SOS2: variants seen among roughly 807,000 people sequenced by gnomAD.
The protein encoded by SOS2 is SOS Ras/Rho guanine nucleotide exchange factor 2.
Under a neutral mutation model 148.2 loss-of-function variants are expected in SOS2, and 65 were observed. The ratio of observed to expected loss-of-function variants is 0.44; its 90% CI spans 0.36 to 0.54. SOS2 has a LOEUF of 0.54. Ranked by LOEUF, SOS2 falls within the 20% of genes least tolerant of loss-of-function variation. The pLI is 0.00. For missense variants in SOS2, 1,341 were observed against 1,590.2 expected (o/e 0.84, Z 2.67); for synonymous variants, 539 against 537.1 (o/e 1.00, Z -0.05).
intron 21 of SOS2, among the ~76,000 whole-genome samples, chr14:50,127,861 C>T (rs975622490): frequency 2.2e-4 from 34 of 152,206 alleles, no homozygotes; most frequent in East Asian, 1.7e-3. Flanking sequence ...TGGTATTAGA[C>T]TTTTCAGCAG....
chr14:50,163,743 A>G (rs1885083686), intron 8 of SOS2, among the ~76,000 whole-genome samples: 1 of 152,240 alleles, frequency 6.6e-6, no homozygotes, highest in Admixed American at 6.5e-5. Context: ...TATTTCTTTA[A>G]TAAATATGAA....
In SOS2 at chr14:50,150,192, T is replaced by C. The variant is rs1439173200; in HGVS notation, c.2200A>G (p.Ile734Val). 1.2e-6 allele frequency: 2 copies of C among 1,613,196 alleles called. No individual in the cohort carries two copies. The highest frequency in any genetic ancestry group is 1.7e-6 in the Non-Finnish European group (2 of 1,179,286). ...TGAGCTTGCTTCTTCCTCCTGATGA[T>C]CTTAGCAATTGACTCTACCCATTTT... ...MKKWVESIAK[I>V]IRRKKQAQAN... Residue 734 changes from isoleucine (I) to valine (V), a missense_variant, in exon 14 of 23, where the codon ATC becomes GTC. By Grantham distance (29) the Ile-to-Val change is conservative (BLOSUM62 3). Around this residue, in one of 4 missense-constraint regions of SOS2, gnomAD observed 408 missense variants for 506.6 expected, o/e 0.81. Coordinates refer to ENST00000216373, the MANE Select transcript of SOS2 (RefSeq NM_006939.4).
At position 50,207,816 on chromosome 14, in the gene SOS2, G is replaced by C. The variant is rs1408877123; in HGVS notation, c.88-3407C>G. Among the ~76,000 whole-genome samples, 3 of 149,772 alleles carry C rather than the reference G, an allele frequency of 2.0e-5. No individual in the cohort carries two copies. In the East Asian group the frequency reaches 5.9e-4, roughly 30 times the overall value. Reference sequence around the variant, plus strand: ...AGCTACTTGGGTGGCTAAGGCAGGAGAACTGCTTGAACCCGGGAGACAGAC... The same window carrying C: ...AGCTACTTGGGTGGCTAAGGCAGGACAACTGCTTGAACCCGGGAGACAGAC... On this transcript the variant is annotated intron_variant, in intron 1 of 22. Coordinates refer to ENST00000216373, the MANE Select transcript of SOS2 (RefSeq NM_006939.4).
rs1885378665 is a variant in SOS2 at position 50,171,904 on chromosome 14, T to C, written c.1068+2550A>G. ...GTTGGCAAACAGGATTTGCTATTAC[T>C]GACACCTGCTACAGACTTTCTTGTA... On this transcript the variant is annotated intron_variant, in intron 8 of 22. Coordinates refer to ENST00000216373, the MANE Select transcript of SOS2 (RefSeq NM_006939.4). 2.6e-5 allele frequency among the ~76,000 whole-genome samples: 4 copies of C among 152,330 alleles called. No homozygotes were observed. The South Asian group carries it at 8.3e-4, about 32-fold the overall frequency.
chr14:50,230,238 T>C (rs954509395), intron 1 of SOS2, among the ~76,000 whole-genome samples: 3 of 152,216 alleles, frequency 2.0e-5, no homozygotes, highest in East Asian at 3.8e-4. Context: ...TTTAAATTAA[T>C]CTTTATTTTT....
intron 1 of SOS2, among the ~76,000 whole-genome samples, chr14:50,218,930 C>G (rs1214913163): frequency 1.3e-5 from 2 of 151,902 alleles, no homozygotes; most frequent in African/African-American, 4.8e-5. Context: ...CTGGCCAATA[C>G]AGTGAAACCC....
chr14:50,230,982 T>A lies in SOS2; in HGVS notation c.87+215A>T, dbSNP rs187857720. The stretch of plus-strand genomic sequence containing the variant: ...TGCAACATGAAATCCAGTTTTATGA[T>A]CATAACAAAACCTTCCTTCCGGGAC... On this transcript the variant is annotated intron_variant, in intron 1 of 22. Coordinates refer to ENST00000216373, the MANE Select transcript of SOS2 (RefSeq NM_006939.4). The A allele has an allele frequency of 1.3e-4, 118 of 883,132 alleles. No homozygotes were observed. The East Asian group carries it at 3.4e-3, about 26-fold the overall frequency. 54.7% of individuals were successfully genotyped at this position (883,132 alleles called of 1,614,324 possible).
chr14:50,229,259 CGTAT>C (rs1289765016), intron 1 of SOS2, among the ~76,000 whole-genome samples: 2 of 151,860 alleles, frequency 1.3e-5, no homozygotes, highest in Admixed American at 6.6e-5. Context: ...ATTTTCCATA[CGTAT>C]GTATTTCAAT....
chr14:50,157,284 C>T (rs1216834927), intron 11 of SOS2, among the ~76,000 whole-genome samples, 163 bp from the exon 12 acceptor site: 1 of 152,058 alleles, frequency 6.6e-6, no homozygotes, highest in Non-Finnish European at 1.5e-5. Flanking sequence ...TTTGGCTATA[C>T]AAAACTGACG....
chr14:50,199,895 C>CATATATATATATA, intron 3 of SOS2, 40 bp from the exon 4 acceptor site: 1 of 1,328,660 alleles, frequency 7.5e-7, no homozygotes, highest in Non-Finnish European at 1.1e-6. Flanking sequence ...AAATGTAGCA[C>CATATATATATATA]TGTCAAGTAT....
chr14:50,150,169 A>G lies in SOS2; in HGVS notation c.2223T>C (p.Ala741=). The G allele has an allele frequency of 2.5e-6, 4 of 1,613,758 alleles. No homozygotes were observed. The highest frequency in any genetic ancestry group is 3.4e-6 in the Non-Finnish European group (4 of 1,179,664). ...IAKIIRRKKQ[A]QANGVSHNIT... ...TATTATGGCTTACTCCGTTTGCCTGAGCTTGCTTCTTCCTCCTGATGATCT... is the reference window on the plus strand; with the variant it reads ...TATTATGGCTTACTCCGTTTGCCTGGGCTTGCTTCTTCCTCCTGATGATCT... The change falls in exon 14 of 23, where the codon GCT becomes GCC. Residue 741 remains alanine, a synonymous_variant. Coordinates refer to ENST00000216373, the MANE Select transcript of SOS2 (RefSeq NM_006939.4).
chr14:50,213,946 G>A (rs1263511590), intron 1 of SOS2, among the ~76,000 whole-genome samples: 1 of 150,492 alleles, frequency 6.6e-6, no homozygotes, highest in African/African-American at 2.4e-5. Flanking sequence ...TCCGTGGTAG[G>A]AAGTCAACAG....
chr14:50,217,577 G>A (rs1887071463), intron 1 of SOS2, among the ~76,000 whole-genome samples: 1 of 151,932 alleles, frequency 6.6e-6, no homozygotes, highest in Non-Finnish European at 1.5e-5. Context: ...TTCTAGAAGG[G>A]AAAATTTTTG....
At chr14:50,130,840 T>G (rs1883844658) in intron 19 of SOS2, 78 bp from the exon 20 acceptor site, 5 of 1,224,446 alleles carry the variant, frequency 4.1e-6, no homozygotes, top group Non-Finnish European at 4.6e-6. Flanking sequence ...GCTACCTTAT[T>G]AGTCTTATTA....
rs35121759 is a variant in SOS2 at position 50,197,689 on chromosome 14, C to CTTTTTTTTTTTTTTTTTTTT, written c.510+2001_510+2002insAAAAAAAAAAAAAAAAAAAA. Among the ~76,000 whole-genome samples the CTTTTTTTTTTTTTTTTTTTT allele has an allele frequency of 3.2e-5, 4 of 125,852 alleles. 2 individuals carry two copies. The allele number at this position is 125,852 out of a possible 152,430, so 82.6% of individuals were successfully genotyped here. On this transcript the variant is annotated intron_variant, in intron 4 of 22. Transcript: ENST00000216373. ...TCTTGAATAAAGTCAGCTTTACCAC[C>CTTTTTTTTTTTTTTTTTTTT]TTTTTTTTTTTTTTTTTTTGAAACA...
chr14:50,201,762 G>T (rs544530518), intron 2 of SOS2, among the ~76,000 whole-genome samples: 1 of 152,312 alleles, frequency 6.6e-6, no homozygotes, highest in South Asian at 2.1e-4. Context: ...TTACCTAGCA[G>T]AGCAGAAATT....
At chr14:50,212,441 T>C (rs1886905669) in intron 1 of SOS2, among the ~76,000 whole-genome samples, 1 of 152,180 alleles carries the variant, frequency 6.6e-6, no homozygotes, top group Admixed American at 6.5e-5. Flanking sequence ...GCCACTGCAC[T>C]CCAGCCTGGC....
At chr14:50,216,783 T>TA (rs199923091) in intron 1 of SOS2, among the ~76,000 whole-genome samples, 1 of 151,820 alleles carries the variant, frequency 6.6e-6, no homozygotes, top group Non-Finnish European at 1.5e-5. Flanking sequence ...AAAATAAAAA[T>TA]AAAAATACAA....
chr14:50,151,948 T>C (rs2139600918), intron 13 of SOS2, among the ~76,000 whole-genome samples: 2 of 152,222 alleles, frequency 1.3e-5, no homozygotes, highest in Middle Eastern at 6.8e-3. Context: ...GGTCTCAAAC[T>C]TCTGGGCTCA....
Sources: gnomAD v4.1 joint callset for allele counts (sites outside exome capture counted in the v4.1 genomes callset) on GRCh38, gnomAD v4.1.1 for gene constraint, gnomAD v4.1.1 regional missense constraint, MANE v1.5 for transcripts, NCBI Gene and HGNC (gene_info 2026-07-23, HGNC 2026-07-21) for gene names.